The following FAM117B variants were observed in gnomAD, a reference collection of about 807,000 sequenced individuals.
FAM117B encodes the protein family with sequence similarity 117 member B, also known as protein FAM117B.
FAM117B carries 22 observed loss-of-function variants against 52.8 expected under a neutral mutation model. The ratio of observed to expected loss-of-function variants is 0.42; its 90% CI spans 0.30 to 0.59. The LOEUF is 0.59. FAM117B is among the 20% of genes least tolerant of loss of function. FAM117B has a pLI of 0.22. For missense variants in FAM117B, 678 were observed against 802.6 expected (o/e 0.84, Z 1.88); for synonymous variants, 309 against 324.1 (o/e 0.95, Z 0.50).
At chr2:202,719,304 C>T (rs1691112706) in intron 2 of FAM117B, among the ~76,000 whole-genome samples, 2 of 152,106 alleles carry the variant, frequency 1.3e-5, no homozygotes, top group African/African-American at 4.8e-5. Context: ...GTGTTACTCT[C>T]ATCATCTTTA....
intron 7 of FAM117B, 58 bp from the exon 8 acceptor site, chr2:202,765,388 T>C: frequency 6.9e-7 from 1 of 1,448,694 alleles, no homozygotes; most frequent in Non-Finnish European, 9.3e-7. Flanking sequence ...GCTTTTTTTT[T>C]TTTTTATTTT....
chr2:202,681,991 T>C (rs750526220), intron 1 of FAM117B, among the ~76,000 whole-genome samples: 1 of 152,124 alleles, frequency 6.6e-6, no homozygotes, highest in Non-Finnish European at 1.5e-5. Flanking sequence ...CAGCTGGACA[T>C]TGGAGACTAT....
intron 1 of FAM117B, among the ~76,000 whole-genome samples, chr2:202,678,423 A>AC (rs1452276685): frequency 6.6e-6 from 1 of 152,164 alleles, no homozygotes; most frequent in Admixed American, 6.5e-5. Flanking sequence ...TGGCCCTCCC[A>AC]CCCTAGCCTC....
chr2:202,644,070 T>TTTTTTTTG (rs1689818944), intron 1 of FAM117B, among the ~76,000 whole-genome samples: 1 of 145,904 alleles, frequency 6.9e-6, no homozygotes, highest in African/African-American at 2.6e-5. Context: ...TTTTGTTTTT[T>TTTTTTTTG]TTTTTTTTTT....
intron 1 of FAM117B, among the ~76,000 whole-genome samples, chr2:202,673,432 T>TG (rs1690328651): frequency 3.0e-5 from 3 of 99,792 alleles, no homozygotes; most frequent in South Asian, 3.4e-4. Context: ...TTTCTTTTTC[T>TG]GTTTTTTTTT....
intron 4 of FAM117B, among the ~76,000 whole-genome samples, chr2:202,745,152 C>G (rs1461716217): frequency 2.0e-5 from 3 of 150,606 alleles, no homozygotes; most frequent in Admixed American, 1.3e-4. Flanking sequence ...TGGTGGTGCA[C>G]TCCTGTAGTC....
chr2:202,761,089 G>A (rs1432977813), intron 7 of FAM117B, among the ~76,000 whole-genome samples: 2 of 152,164 alleles, frequency 1.3e-5, no homozygotes, highest in Admixed American at 6.5e-5. Flanking sequence ...GTAGAGATGG[G>A]GTTTTGGCAT....
intron 4 of FAM117B, among the ~76,000 whole-genome samples, chr2:202,741,247 C>T (rs1691531376): frequency 6.6e-6 from 1 of 151,446 alleles, no homozygotes; most frequent in Admixed American, 6.6e-5. Flanking sequence ...TGGTGAAACG[C>T]CATCTCTACT....
In FAM117B at chr2:202,724,912, T is replaced by C; in HGVS notation, c.754-5T>C. The C allele has an allele frequency of 1.3e-6, 2 of 1,593,002 alleles. No individual in the cohort carries two copies. The highest frequency in any genetic ancestry group is 1.2e-5 in the South Asian group (1 of 86,344). Reference sequence around the variant, plus strand: ...AAATACACCTCCCCTCTTTTTTCATTACAGACAGAGAGTGCATGGGCTGAA... The same window carrying C: ...AAATACACCTCCCCTCTTTTTTCATCACAGACAGAGAGTGCATGGGCTGAA... On this transcript the variant is annotated splice_polypyrimidine_tract_variant and splice_region_variant and intron_variant, in intron 2 of 7. Transcript: ENST00000392238.
At chr2:202,656,863 A>C (rs1420763763) in intron 1 of FAM117B, among the ~76,000 whole-genome samples, 1 of 152,162 alleles carries the variant, frequency 6.6e-6, no homozygotes, top group Non-Finnish European at 1.5e-5. Flanking sequence ...TTTAAAAAAA[A>C]GTCCATAAAC....
At chr2:202,743,629 A>G (rs1691583267) in intron 4 of FAM117B, among the ~76,000 whole-genome samples, 1 of 152,026 alleles carries the variant, frequency 6.6e-6, no homozygotes, top group South Asian at 2.1e-4. Flanking sequence ...AAGAACACAA[A>G]CAATACAAAG....
chr2:202,640,809 C>T (rs1383802311), intron 1 of FAM117B, among the ~76,000 whole-genome samples: 1 of 152,072 alleles, frequency 6.6e-6, no homozygotes, highest in African/African-American at 2.4e-5. Flanking sequence ...CTGGGTTTCA[C>T]CATGTTGCCC....
At position 202,635,211 on chromosome 2, in the gene FAM117B, TG is replaced by T; in HGVS notation, c.27del (p.Ser10ProfsTer26). 7.7e-7 allele frequency: 1 copy of T among 1,298,100 alleles called. No individual in the cohort carries two copies. The allele number at this position is 1,298,100 out of a possible 1,614,324, so 80.4% of individuals were successfully genotyped here. A position where few individuals can be genotyped will look rare whatever the true frequency, so the allele number is the denominator to read the frequency against. MSQRVRRN[G>X]SPTPAGSLGG... ...CCATGTCCCAGCGGGTGAGGCGCAA[TG>T]GGTCCCCCACGCCGGCCGGCTCCCT... On this transcript the variant is annotated frameshift_variant, in exon 1 of 8. Coordinates refer to ENST00000392238, the MANE Select transcript of FAM117B (RefSeq NM_173511.4). LOFTEE classifies it high-confidence loss of function.
chr2:202,725,033 G>T, intron 3 of FAM117B, 24 bp downstream of exon 3: 1 of 1,565,756 alleles, frequency 6.4e-7, no homozygotes, highest in Non-Finnish European at 8.8e-7. Flanking sequence ...TTCTAAGATA[G>T]TGGGTGTGGA....
Position 202,673,433 on chromosome 2 carries a change from G to GTTTTTTT in FAM117B, c.602-22422_602-22416dup, listed in dbSNP as rs1158185300. Among the ~76,000 whole-genome samples the GTTTTTTT allele has an allele frequency of 6.3e-3, 238 of 37,532 alleles. 43 individuals carry two copies. Among genetic ancestry groups the GTTTTTTT allele is most frequent in the African/African-American group, 0.025 (159 of 6,446 alleles). 24.6% of individuals were successfully genotyped at this position (37,532 alleles called of 152,430 possible). On this transcript the variant is annotated intron_variant, in intron 1 of 7. Transcript: ENST00000392238. ...TAGCCTACCCTATTTTTCTTTTTCT[G>GTTTTTTT]TTTTTTTTTTTTTTTTTTTTTTTTT...
At chr2:202,703,861 A>G (rs144295723) in intron 2 of FAM117B, among the ~76,000 whole-genome samples, 1 of 152,266 alleles carries the variant, frequency 6.6e-6, no homozygotes, top group African/African-American at 2.4e-5. Flanking sequence ...GTCATATGAT[A>G]ATTCGATGTT....
At chr2:202,679,167 A>AT (rs1690426454) in intron 1 of FAM117B, among the ~76,000 whole-genome samples, 3 of 152,178 alleles carry the variant, frequency 2.0e-5, no homozygotes, top group Non-Finnish European at 4.4e-5. Context: ...TCAAACAACT[A>AT]TTTTTTAGAT....
rs529098650 is a variant in FAM117B at position 202,646,160 on chromosome 2, G to A, written c.601+10372G>A. On this transcript the variant is annotated intron_variant, in intron 1 of 7. Transcript: ENST00000392238. ...TCCCACCTCAGCCCCCTGAGTAGCTGCGACTACAGGGGCACACCACTACAC... is the reference window on the plus strand; with the variant it reads ...TCCCACCTCAGCCCCCTGAGTAGCTACGACTACAGGGGCACACCACTACAC... Among the ~76,000 whole-genome samples the A allele has an allele frequency of 2.0e-5, 3 of 151,486 alleles. No individual in the cohort carries two copies. In the South Asian group the frequency reaches 6.3e-4, roughly 32 times the overall value.
chr2:202,637,986 C>T (rs1689713548), intron 1 of FAM117B, among the ~76,000 whole-genome samples: 1 of 151,790 alleles, frequency 6.6e-6, no homozygotes, highest in African/African-American at 2.4e-5. Context: ...AAGCGATGCT[C>T]CTGCCTCAGC....
Sources: allele counts gnomAD v4.1 joint callset (sites outside exome capture counted in the v4.1 genomes callset), GRCh38; gene constraint gnomAD v4.1.1; transcripts MANE v1.5; gene names NCBI Gene and HGNC (gene_info 2026-07-23, HGNC 2026-07-21).